Variants in GPHN observed in about 807,000 individuals in gnomAD.
GPHN encodes the protein gephyrin.
GPHN carries 17 observed loss-of-function variants against 95.5 expected under a neutral mutation model. The observed-to-expected ratio is 0.18, with a 90% CI of 0.12 to 0.27. The LOEUF (loss-of-function observed/expected upper bound fraction) is 0.27. Among genes scored for constraint, GPHN ranks in the 10% least tolerant of loss-of-function variants. The probability of loss-of-function intolerance (pLI) is 1.00; values close to 1 mark genes in which losing one functional copy is unlikely to be tolerated. For synonymous variants in GPHN, 320 were observed against 322.5 expected (o/e 0.99, Z 0.08); for missense variants, 660 against 978.1 (o/e 0.67, Z 4.34).
In GPHN at chr14:66,924,249, T is replaced by A; in HGVS notation, c.785T>A (p.Ile262Asn). The change falls in exon 8 of 23, where the codon ATC becomes AAC. Residue 262 changes from isoleucine (I) to asparagine (N), a missense_variant. Coordinates refer to ENST00000478722, the MANE Select transcript of GPHN (RefSeq NM_020806.5). ...GTCATGGCACACGGTGAACAGCCCA[T>A]CCCTGGTCTCATCAATTATTCCCAT... is the stretch of plus-strand genomic sequence containing the variant. ...AVVMAHGEQP[I>N]PGLINYSHHS... 5.0e-6 allele frequency: 8 copies of A among 1,611,704 alleles called. No homozygotes were observed. Among genetic ancestry groups the A allele is most frequent in the Non-Finnish European group, 6.8e-6 (8 of 1,177,776 alleles).
At chr14:67,265,968 G>T in the GPHN span, among the ~76,000 whole-genome samples, 608 of 151,838 alleles carry the variant, frequency 4.0e-3, 18 homozygotes, top group East Asian at 0.057. Flanking sequence ...AAAAAAATCT[G>T]TAAAAGTATT....
chr14:67,719,950 A>G, the GPHN span, among the ~76,000 whole-genome samples: 1 of 152,340 alleles, frequency 6.6e-6, no homozygotes, highest in South Asian at 2.1e-4. Flanking sequence ...TTATAAATAC[A>G]TGGAAGTCGA....
chr14:67,489,968 C>A, the GPHN span, among the ~76,000 whole-genome samples: 2,291 of 148,798 alleles, frequency 0.015, 20 homozygotes, highest in Middle Eastern at 0.031. Flanking sequence ...CCAGCCTGGG[C>A]GACAGAGCGA....
chr14:66,712,337 A>T (rs1290188692), intron 2 of GPHN, among the ~76,000 whole-genome samples: 1 of 152,112 alleles, frequency 6.6e-6, no homozygotes, highest in Non-Finnish European at 1.5e-5. Flanking sequence ...TTCTCTGATG[A>T]CCAGTTATGA....
At chr14:67,347,131 G>A in the GPHN span, among the ~76,000 whole-genome samples, 5 of 152,016 alleles carry the variant, frequency 3.3e-5, no homozygotes, top group African/African-American at 7.2e-5. Context: ...CTACAGGCAC[G>A]TGCCACCACA....
At chr14:67,447,381 A>G in the GPHN span, 1 of 152,212 alleles carries the variant, frequency 6.6e-6, no homozygotes, top group East Asian at 1.9e-4. Flanking sequence ...GAACACAAAC[A>G]TTCACACTAT....
At chr14:67,659,964 C>G in the GPHN span, 1 of 1,579,248 alleles carries the variant, frequency 6.3e-7, no homozygotes, top group Non-Finnish European at 8.6e-7. Context: ...CTGGTTCTTC[C>G]CTCACTCATT....
intron 2 of GPHN, among the ~76,000 whole-genome samples, chr14:66,700,537 G>A (rs2068456778): frequency 6.6e-6 from 1 of 152,102 alleles, no homozygotes; most frequent in Non-Finnish European, 1.5e-5. Context: ...ACAACTCGGG[G>A]ATGAAGGATT....
intron 1 of GPHN, among the ~76,000 whole-genome samples, chr14:66,554,873 T>C (rs1326628924): frequency 6.6e-6 from 1 of 152,184 alleles, no homozygotes; most frequent in African/African-American, 2.4e-5. Flanking sequence ...TGTGGACTGT[T>C]AGGCCAAGAA....
intron 2 of GPHN, among the ~76,000 whole-genome samples, chr14:66,759,182 T>C (rs947770484): frequency 6.6e-6 from 1 of 152,166 alleles, no homozygotes; most frequent in Non-Finnish European, 1.5e-5. Context: ...CAGCCATGGG[T>C]TTCTACCCTC....
the GPHN span, among the ~76,000 whole-genome samples, chr14:67,548,622 G>A: frequency 6.6e-6 from 1 of 152,178 alleles, no homozygotes. Context: ...ACTTGAAACC[G>A]GGAGGCAGAG....
At chr14:67,279,742 TAA>T in the GPHN span, 1 of 437,804 alleles carries the variant, frequency 2.3e-6, no homozygotes, top group East Asian at 3.4e-5. Context: ...GCTTAAATGT[TAA>T]GTCACTATAA....
intron 10 of GPHN, among the ~76,000 whole-genome samples, chr14:67,049,926 C>T (rs946551241): frequency 6.6e-6 from 1 of 152,158 alleles, no homozygotes; most frequent in Admixed American, 6.5e-5. Context: ...TGAAAACACA[C>T]GCACGCACAC....
chr14:67,396,740 T>C, the GPHN span, among the ~76,000 whole-genome samples: 2 of 152,266 alleles, frequency 1.3e-5, no homozygotes, highest in South Asian at 4.1e-4. Context: ...ATCTTTTTCC[T>C]CTTCAGGGAT....
At chr14:67,185,672 A>T (rs185774724), downstream of GPHN, among the ~76,000 whole-genome samples, 2 of 152,244 alleles carry the variant, frequency 1.3e-5, no homozygotes, top group African/African-American at 4.8e-5. Flanking sequence ...AAAAAATAAC[A>T]TAAGCAGGTG....
At chr14:67,634,115 C>G in the GPHN span, among the ~76,000 whole-genome samples, 1 of 152,144 alleles carries the variant, frequency 6.6e-6, no homozygotes, top group Non-Finnish European at 1.5e-5. Context: ...AAAAAGGAAG[C>G]AAAGCATCTT....
rs765784005 is a variant in GPHN at position 66,959,564 on chromosome 14, A to C, written c.829-5627A>C. On this transcript the variant is annotated intron_variant, in intron 8 of 22. Coordinates refer to ENST00000478722, the MANE Select transcript of GPHN (RefSeq NM_020806.5). ...AGAATTATTGGTTGACAGATTTTTC[A>C]TCTTTCAACATTTTGACCATATCAT... Among the ~76,000 whole-genome samples the C allele has an allele frequency of 7.9e-5, 12 of 152,076 alleles. 1 individual carries two copies. Among genetic ancestry groups the C allele is most frequent in the Non-Finnish European group, 4.4e-5 (3 of 67,962 alleles).
intron 12 of GPHN, among the ~76,000 whole-genome samples, chr14:67,093,106 T>C (rs1182621887): frequency 6.6e-6 from 1 of 152,126 alleles, no homozygotes; most frequent in Admixed American, 6.6e-5. Flanking sequence ...AACCAGGAAT[T>C]ATTTTCAGAG....
intron 2 of GPHN, among the ~76,000 whole-genome samples, chr14:66,755,746 T>C (rs1423177042): frequency 2.0e-5 from 3 of 152,140 alleles, no homozygotes; most frequent in African/African-American, 7.2e-5. Context: ...ATTAGAATGC[T>C]TTTCTTTCAT....
Sources: allele counts gnomAD v4.1 joint callset (sites outside exome capture counted in the v4.1 genomes callset), GRCh38; gene constraint gnomAD v4.1.1; transcripts MANE v1.5; gene names NCBI Gene and HGNC (gene_info 2026-07-23, HGNC 2026-07-21).